Variants in SNTG1 observed in about 807,000 individuals in gnomAD.
SNTG1 encodes the protein gamma-1-syntrophin.
A neutral mutation model predicts 74.7 loss-of-function variants in SNTG1; 39 were observed. The observed-to-expected ratio is 0.52, with a 90% CI of 0.40 to 0.68. The LOEUF (loss-of-function observed/expected upper bound fraction) is 0.68, where lower values mean the gene tolerates loss of function less well. Among genes scored for constraint, SNTG1 ranks in the 30% least tolerant of loss-of-function variants. The probability of loss-of-function intolerance (pLI) is 0.00; values close to 1 mark genes in which losing one functional copy is unlikely to be tolerated. For missense variants in SNTG1, 685 were observed against 609.5 expected, an observed-to-expected ratio of 1.12 and a Z score of -1.30; for synonymous variants, 254 against 217.1, an observed-to-expected ratio of 1.17 and a Z score of -1.49.
chr8:50,363,844 A>G (rs2092033134), intron 2 of SNTG1, among the ~76,000 whole-genome samples: 1 of 152,156 alleles, frequency 6.6e-6, no homozygotes, highest in Non-Finnish European at 1.5e-5. Context: ...GGTCTACCCA[A>G]GGATAGCCTT....
At chr8:50,316,564 A>T (rs868036716) in intron 2 of SNTG1, among the ~76,000 whole-genome samples, 1 of 152,186 alleles carries the variant, frequency 6.6e-6, no homozygotes, top group African/African-American at 2.4e-5. Context: ...AAGAAATTTT[A>T]AAATAATTTC....
intron 5 of SNTG1, among the ~76,000 whole-genome samples, chr8:50,441,898 C>A (rs1179397183): frequency 6.6e-6 from 1 of 152,092 alleles, no homozygotes; most frequent in African/African-American, 2.4e-5. Context: ...GATTCCTAAA[C>A]TCCTATTGTT....
chr8:50,147,102 C>G (rs771407486), intron 1 of SNTG1, among the ~76,000 whole-genome samples: 3 of 151,958 alleles, frequency 2.0e-5, no homozygotes, highest in Non-Finnish European at 4.4e-5. Flanking sequence ...TTGAATGTGA[C>G]AAGGATACAG....
chr8:50,040,908 T>C (rs1351219529), intron 1 of SNTG1, among the ~76,000 whole-genome samples: 1 of 152,194 alleles, frequency 6.6e-6, no homozygotes, highest in Non-Finnish European at 1.5e-5. Flanking sequence ...ATTATTATTA[T>C]TTTTTGAGAC....
chr8:49,928,760 G>GA (rs1002752990), intron 1 of SNTG1, among the ~76,000 whole-genome samples: 2 of 151,208 alleles, frequency 1.3e-5, no homozygotes, highest in African/African-American at 2.4e-5. Flanking sequence ...CCCAGTGCAA[G>GA]AAAAAAAATA....
Position 49,983,113 on chromosome 8 carries a change from C to T in SNTG1, c.-103+70882C>T, listed in dbSNP as rs536419573. ...TTTATACCACAGTCATTTCATGGAC[C>T]GTAAAACCTCAAGTGTTATGCCATA... On this transcript the variant is annotated intron_variant, in intron 1 of 18. Transcript: ENST00000642720. 1.5e-4 allele frequency among the ~76,000 whole-genome samples: 23 copies of T among 152,204 alleles called. 1 individual carries two copies. Among genetic ancestry groups the T allele is most frequent in the South Asian group, 2.1e-4 (1 of 4,820 alleles).
intron 2 of SNTG1, among the ~76,000 whole-genome samples, chr8:50,317,727 C>T (rs562416467): frequency 3.9e-5 from 6 of 152,326 alleles, no homozygotes; most frequent in African/African-American, 1.2e-4. Flanking sequence ...CTTATGACAT[C>T]GTTTGCCTAT....
Position 50,326,300 on chromosome 8 carries a change from A to G in SNTG1, c.-27-67912A>G, listed in dbSNP as rs116683368. The stretch of plus-strand genomic sequence containing the variant: ...ATTTCTTCCTAAAATGTTTGGTAGA[A>G]TTCATTTGGTAGAAGCGTTTTGCTT... On this transcript the variant is annotated intron_variant, in intron 2 of 18. Transcript: ENST00000642720. Among the ~76,000 whole-genome samples, 611 of 152,162 alleles carry G rather than the reference A, an allele frequency of 4.0e-3. 5 individuals are homozygous for G. Among genetic ancestry groups the G allele is most frequent in the African/African-American group, 0.014 (586 of 41,566 alleles).
At chr8:50,567,775 T>C (rs1011136026) in intron 12 of SNTG1, among the ~76,000 whole-genome samples, 17 of 152,178 alleles carry the variant, frequency 1.1e-4, no homozygotes, top group African/African-American at 3.6e-4. Context: ...TGCCAATTCA[T>C]GTAAAGATTG....
At chr8:50,686,060 G>A (rs10081541) in intron 15 of SNTG1, among the ~76,000 whole-genome samples, 143,052 of 152,238 alleles carry the variant, frequency 0.94, 67,254 homozygotes, top group East Asian at 1. Flanking sequence ...TATGGTAAAT[G>A]TTACAATTAT....
At chr8:49,990,003 T>C (rs1267787873) in intron 1 of SNTG1, among the ~76,000 whole-genome samples, 1 of 151,994 alleles carries the variant, frequency 6.6e-6, no homozygotes, top group East Asian at 1.9e-4. Context: ...TAACTTATTG[T>C]GTAAAACAGA....
chr8:49,950,559 C>A (rs1403417612), intron 1 of SNTG1, among the ~76,000 whole-genome samples: 2 of 151,958 alleles, frequency 1.3e-5, no homozygotes, highest in Admixed American at 1.3e-4. Flanking sequence ...ATTTTCATAC[C>A]ATTATACTAT....
At chr8:50,489,196 G>A (rs1447524703) in intron 8 of SNTG1, among the ~76,000 whole-genome samples, 1 of 151,796 alleles carries the variant, frequency 6.6e-6, no homozygotes, top group East Asian at 1.9e-4. Context: ...ATTTGGGTTG[G>A]CTCTGTCTTT....
rs978367400 is a variant in SNTG1, at chr8:49,993,846, G to T, written c.-103+81615G>T. 2.0e-5 allele frequency among the ~76,000 whole-genome samples: 3 copies of T among 152,150 alleles called. 1 individual carries two copies. Among genetic ancestry groups the T allele is most frequent in the Admixed American group, 1.3e-4 (2 of 15,266 alleles). On this transcript the variant is annotated intron_variant, in intron 1 of 18. Coordinates refer to ENST00000642720, the MANE Select transcript of SNTG1 (RefSeq NM_018967.5). ...GTTGGTCCCAAGTCTTTGTTATTGT[G>T]TTCTCTGGGATTTATGTTGAAGAGT...
rs144724126 is a variant in SNTG1, at chr8:49,938,529, C to T, written c.-103+26298C>T. ...TTTGTGGAATTTCTCTTTGTCCCTC[C>T]CTATCTTACCATGCCTTCTTTTCTT... On this transcript the variant is annotated intron_variant, in intron 1 of 18. Transcript: ENST00000642720. Among the ~76,000 whole-genome samples, 444 of 145,136 alleles carry T rather than the reference C, an allele frequency of 3.1e-3. 8 individuals carry two copies. The highest frequency in any genetic ancestry group is 0.02 in the Admixed American group (289 of 14,294).
intron 1 of SNTG1, among the ~76,000 whole-genome samples, chr8:49,965,401 A>G (rs1811051131): frequency 6.6e-6 from 1 of 152,208 alleles, no homozygotes; most frequent in Non-Finnish European, 1.5e-5. Flanking sequence ...TTGCTAATGC[A>G]ACAACTCACT....
At chr8:50,293,291 A>T (rs1265347432) in intron 2 of SNTG1, among the ~76,000 whole-genome samples, 1 of 151,690 alleles carries the variant, frequency 6.6e-6, no homozygotes, top group Non-Finnish European at 1.5e-5. Flanking sequence ...TTGCTTGAAG[A>T]TTGTCATCTC....
chr8:50,446,542 G>C (rs2093409771), intron 5 of SNTG1, among the ~76,000 whole-genome samples: 1 of 152,062 alleles, frequency 6.6e-6, no homozygotes, highest in Non-Finnish European at 1.5e-5. Flanking sequence ...AGCTGGGCAT[G>C]ATGGTGAGTG....
chr8:50,050,215 T>C (rs1342808358), intron 1 of SNTG1, among the ~76,000 whole-genome samples: 1 of 151,814 alleles, frequency 6.6e-6, no homozygotes, highest in East Asian at 1.9e-4. Flanking sequence ...GAGTTAATTA[T>C]GTAAAAAAGA....
Sources: gnomAD v4.1 joint callset for allele counts (sites outside exome capture counted in the v4.1 genomes callset) on GRCh38, gnomAD v4.1.1 for gene constraint, MANE v1.5 for transcripts, NCBI Gene and HGNC (gene_info 2026-07-23, HGNC 2026-07-21) for gene names.